Variants in CAST observed in about 807,000 individuals in gnomAD.
CAST encodes calpastatin, also known as MIR583 host.
Under a neutral mutation model 119.6 loss-of-function variants are expected in CAST, and 76 were observed. That is an observed-to-expected ratio of 0.64 (90% CI 0.53 to 0.77). The LOEUF (loss-of-function observed/expected upper bound fraction) is 0.77. Ranked by LOEUF, CAST falls within the 30% of genes least tolerant of loss-of-function variation. The pLI, the probability that CAST is intolerant of heterozygous loss-of-function variation, is 0.00. For synonymous variants in CAST, 319 were observed against 331.6 expected, an observed-to-expected ratio of 0.96 and a Z score of 0.41; for missense variants, 953 against 946.5, an observed-to-expected ratio of 1.01 and a Z score of -0.09.
chr5:96,441,765 A>T, the CAST span, among the ~76,000 whole-genome samples: 1 of 152,162 alleles, frequency 6.6e-6, no homozygotes, highest in African/African-American at 2.4e-5. Flanking sequence ...AAAATAGTCA[A>T]AAGGGGCACT....
the CAST span, among the ~76,000 whole-genome samples, chr5:96,425,584 C>CA: frequency 6.6e-6 from 1 of 152,062 alleles, no homozygotes; most frequent in African/African-American, 2.4e-5. Flanking sequence ...CTTAAGAAGA[C>CA]AAAAAATACA....
At chr5:96,673,531 T>C (rs1223985831) in intron 1 of CAST, among the ~76,000 whole-genome samples, 1 of 152,218 alleles carries the variant, frequency 6.6e-6, no homozygotes, top group East Asian at 1.9e-4. Flanking sequence ...ATAAGCTGGT[T>C]GGCTGGTTAT....
the CAST span, among the ~76,000 whole-genome samples, chr5:95,978,481 C>T: frequency 6.6e-6 from 1 of 151,932 alleles, no homozygotes; most frequent in African/African-American, 2.4e-5. Context: ...CCTTTGCTCA[C>T]TTTTTTATGT....
chr5:96,747,042 G>A (rs1386973347), intron 17 of CAST, among the ~76,000 whole-genome samples: 2 of 152,142 alleles, frequency 1.3e-5, no homozygotes, highest in Non-Finnish European at 2.9e-5. Flanking sequence ...TAAAAGCTTC[G>A]ATTAACATAG....
intron 1 of CAST, among the ~76,000 whole-genome samples, chr5:96,650,519 CT>C: frequency 6.6e-6 from 1 of 152,264 alleles, no homozygotes; most frequent in South Asian, 2.1e-4. Flanking sequence ...ATATTCATTT[CT>C]GAATCTAGAA....
At chr5:96,245,512 G>A in the CAST span, among the ~76,000 whole-genome samples, 1 of 151,696 alleles carries the variant, frequency 6.6e-6, no homozygotes, top group African/African-American at 2.4e-5. Context: ...TTAAGCAATA[G>A]AAGGGAAGAG....
intron 2 of CAST, among the ~76,000 whole-genome samples, chr5:96,695,556 T>G (rs1423736311): frequency 6.6e-6 from 1 of 152,214 alleles, no homozygotes; most frequent in Admixed American, 6.5e-5. Flanking sequence ...TGAGTGAAGT[T>G]TTTGGAAGTA....
chr5:96,355,264 A>C, the CAST span, among the ~76,000 whole-genome samples: 3 of 142,824 alleles, frequency 2.1e-5, no homozygotes, highest in South Asian at 6.5e-4. Flanking sequence ...CCCACTTGTG[A>C]GTGAGAACAT....
the CAST span, among the ~76,000 whole-genome samples, chr5:96,138,826 G>A: frequency 3.3e-5 from 5 of 151,828 alleles, no homozygotes; most frequent in Admixed American, 2.0e-4. Flanking sequence ...TGTTGTTATT[G>A]TTGTTTCTTT....
chr5:96,432,146 C>T, the CAST span: 1 of 1,535,272 alleles, frequency 6.5e-7, no homozygotes, highest in Admixed American at 2.0e-5. Flanking sequence ...CTCGACCCTG[C>T]AGTGGGACTG....
chr5:96,400,513 A>G, the CAST span, among the ~76,000 whole-genome samples: 11 of 152,310 alleles, frequency 7.2e-5, no homozygotes, highest in African/African-American at 2.4e-4. Context: ...CTGAGCAAAC[A>G]TTTTAAATGG....
At chr5:96,571,483 G>A (rs774009628) in intron 1 of CAST, among the ~76,000 whole-genome samples, 2 of 152,178 alleles carry the variant, frequency 1.3e-5, no homozygotes, top group African/African-American at 2.4e-5. Context: ...GCAGAATTGA[G>A]TTATAAAGAA....
the CAST span, among the ~76,000 whole-genome samples, chr5:96,136,414 G>A: frequency 6.6e-6 from 1 of 151,914 alleles, no homozygotes. Flanking sequence ...AGATACTCCA[G>A]GCTCAACTTG....
chr5:96,435,081 G>A, the CAST span, among the ~76,000 whole-genome samples: 5 of 152,192 alleles, frequency 3.3e-5, no homozygotes, highest in African/African-American at 9.7e-5. Flanking sequence ...GCTCTCAAGG[G>A]TGTTTCATTC....
chr5:96,370,550 C>A, the CAST span, among the ~76,000 whole-genome samples: 1 of 152,166 alleles, frequency 6.6e-6, no homozygotes, highest in South Asian at 2.1e-4. Flanking sequence ...CTGCATCCAA[C>A]CTGTATACAC....
the CAST span, among the ~76,000 whole-genome samples, chr5:96,473,707 C>T: frequency 6.6e-6 from 1 of 152,202 alleles, no homozygotes; most frequent in Non-Finnish European, 1.5e-5. Context: ...AGGACTGATT[C>T]TCATGGCCAT....
At chr5:96,489,447 G>A in the CAST span, among the ~76,000 whole-genome samples, 4 of 152,064 alleles carry the variant, frequency 2.6e-5, no homozygotes, top group African/African-American at 9.7e-5. Context: ...GTTGATAATC[G>A]TGTATAATTC....
At chr5:96,099,629 A>T in the CAST span, among the ~76,000 whole-genome samples, 1 of 152,172 alleles carries the variant, frequency 6.6e-6, no homozygotes, top group Non-Finnish European at 1.5e-5. Flanking sequence ...AATCACGTTT[A>T]TTGATTTGCA....
chr5:96,750,814 G>A, intron 20 of CAST, 132 bp downstream of exon 20: 2 of 504,644 alleles, frequency 4.0e-6, no homozygotes, highest in South Asian at 2.9e-5. Context: ...TATCATTATA[G>A]TATCTGTTGT....
Sources: gnomAD v4.1 joint callset for allele counts (sites outside exome capture counted in the v4.1 genomes callset) on GRCh38, gnomAD v4.1.1 for gene constraint, MANE v1.5 for transcripts, NCBI Gene and HGNC (gene_info 2026-07-23, HGNC 2026-07-21) for gene names.